Variants in KIRREL3 observed in about 807,000 individuals in gnomAD.
The protein encoded by KIRREL3 is kin of IRRE-like protein 3.
In KIRREL3, 36 loss-of-function variants were observed where a neutral mutation model predicts 89.7. That is an observed-to-expected ratio of 0.40 (90% CI 0.31 to 0.53). The LOEUF (loss-of-function observed/expected upper bound fraction) is 0.53, where lower values mean the gene tolerates loss of function less well. Among genes scored for constraint, KIRREL3 ranks in the 20% least tolerant of loss-of-function variants. The probability of loss-of-function intolerance (pLI) is 0.49; values close to 1 mark genes in which losing one functional copy is unlikely to be tolerated. For missense variants in KIRREL3, 864 were observed against 1,056.6 expected (o/e 0.82, Z 2.53); for synonymous variants, 445 against 441.4 (o/e 1.01, Z -0.10).
Position 126,867,422 on chromosome 11 carries a change from C to G in KIRREL3, c.55+133033G>C, listed in dbSNP as rs1483206808. Among the ~76,000 whole-genome samples the G allele has an allele frequency of 1.3e-5, 2 of 152,184 alleles. No individual in the cohort carries two copies. Among genetic ancestry groups the G allele is most frequent in the African/African-American group, 4.8e-5 (2 of 41,438 alleles). ...TCCAGCTTGGAATGCTGTTTCTCCT[C>G]TCTCCCACTTCCAAAACTCTTTCAA... is the stretch of plus-strand genomic sequence containing the variant. On this transcript the variant is annotated intron_variant, in intron 1 of 16. Coordinates refer to ENST00000525144, the MANE Select transcript of KIRREL3 (RefSeq NM_032531.4). The surrounding 1 kb of genome is among the most constrained non-coding windows in gnomAD (Gnocchi z 4.7).
chr11:126,833,536 C>T (rs1309172536), intron 1 of KIRREL3, among the ~76,000 whole-genome samples: 1 of 152,224 alleles, frequency 6.6e-6, no homozygotes, highest in Non-Finnish European at 1.5e-5. Context: ...CAGCAGCCCT[C>T]CCTTTGGAGA....
At chr11:126,692,540 G>A (rs1159845807) in intron 1 of KIRREL3, among the ~76,000 whole-genome samples, 3 of 52,292 alleles carry the variant, frequency 5.7e-5, no homozygotes, top group African/African-American at 8.2e-5. Flanking sequence ...CCAAGACTCT[G>A]TCTCAAAAAA....
rs1942829147 is a variant in KIRREL3 at position 126,605,018 on chromosome 11, T to G, written c.56-42106A>C. ...ATTGCAAAGTGGCAGATGAGATTAT[T>G]ATTACTGCTTCCTTCACCTCAACAA... is the stretch of plus-strand genomic sequence containing the variant. On this transcript the variant is annotated intron_variant, in intron 1 of 16. Coordinates refer to ENST00000525144, the MANE Select transcript of KIRREL3 (RefSeq NM_032531.4). The surrounding 1 kb of genome is among the most constrained non-coding windows in gnomAD (Gnocchi z 5.7). 6.6e-6 allele frequency among the ~76,000 whole-genome samples: 1 copy of G among 152,214 alleles called. No homozygotes were observed. Among genetic ancestry groups the G allele is most frequent in the Non-Finnish European group, 1.5e-5 (1 of 68,036 alleles).
Position 126,424,951 on chromosome 11 carries a change from T to A in KIRREL3, c.1966A>T (p.Ser656Cys), listed in dbSNP as rs760433137. 6.3e-7 allele frequency: 1 copy of A among 1,594,394 alleles called. No homozygotes were observed. The change falls in exon 17 of 17, where the codon AGC becomes TGC. Residue 656 changes from serine (S) to cysteine (C), a missense_variant. By Grantham distance (112) the Ser-to-Cys change is moderately radical. Transcript: ENST00000525144. ...HHSTPTISLS[S>C]CQPDLRPAGK... ...GCAGGACGCAGGTCGGGCTGGCAGC[T>A]GGAGAGGGAGATGGTCGGGGTTGAG...
In KIRREL3 at chr11:126,455,903, C is replaced by T. The variant is rs1180501331; in HGVS notation, c.848+446G>A. The stretch of plus-strand genomic sequence containing the variant: ...CACAGGGGCCATGAGTAAGTGTGAT[C>T]CCGGATGCTCACTGGACTGGGCCGG... On this transcript the variant is annotated intron_variant, in intron 7 of 16. Transcript: ENST00000525144. The surrounding 1 kb of genome is among the most constrained non-coding windows in gnomAD (Gnocchi z 6.4). Among the ~76,000 whole-genome samples, 2 of 152,026 alleles carry T rather than the reference C, an allele frequency of 1.3e-5. No homozygotes were observed. Among genetic ancestry groups the T allele is most frequent in the African/African-American group, 4.8e-5 (2 of 41,414 alleles).
intron 1 of KIRREL3, among the ~76,000 whole-genome samples, chr11:126,868,656 C>T (rs1040938352): frequency 2.0e-5 from 3 of 152,060 alleles, no homozygotes; most frequent in Non-Finnish European, 2.9e-5. Context: ...ATGTAGGGGC[C>T]GATCATTATT....
intron 4 of KIRREL3, among the ~76,000 whole-genome samples, chr11:126,509,547 G>C (rs909995161): frequency 2.0e-5 from 3 of 152,208 alleles, no homozygotes; most frequent in Non-Finnish European, 4.4e-5. Context: ...GCCATTCTGT[G>C]TGTGTTCATA....
Position 126,814,780 on chromosome 11 carries a change from G to T in KIRREL3, c.55+185675C>A, listed in dbSNP as rs1006620590. Among the ~76,000 whole-genome samples the T allele has an allele frequency of 6.6e-6, 1 of 152,152 alleles. No individual in the cohort carries two copies. Among genetic ancestry groups the T allele is most frequent in the African/African-American group, 2.4e-5 (1 of 41,430 alleles). ...CTGGGACCTGATGGGGGTGTGGGTT[G>T]GGGGAGGGAGAGCACTAGGAAGAAT... On this transcript the variant is annotated intron_variant, in intron 1 of 16. Coordinates refer to ENST00000525144, the MANE Select transcript of KIRREL3 (RefSeq NM_032531.4). This position sits in a 1 kb window ranked among gnomAD's most constrained non-coding sequence, Gnocchi z 4.4.
At position 126,791,015 on chromosome 11, in the gene KIRREL3, C is replaced by T. The variant is rs532563676; in HGVS notation, c.55+209440G>A. Reference sequence around the variant, plus strand: ...AAACTGGGTGGTGTGGAGGATTTGTCGATGAGAATGCAAATGAGCATGATG... The same window carrying T: ...AAACTGGGTGGTGTGGAGGATTTGTTGATGAGAATGCAAATGAGCATGATG... On this transcript the variant is annotated intron_variant, in intron 1 of 16. Transcript: ENST00000525144. This position sits in a 1 kb window ranked among gnomAD's most constrained non-coding sequence, Gnocchi z 4.8. Among the ~76,000 whole-genome samples the T allele has an allele frequency of 2.5e-3, 379 of 152,122 alleles. 5 individuals carry two copies. The highest frequency in any genetic ancestry group is 8.3e-3 in the African/African-American group (345 of 41,496).
At chr11:126,861,009 C>G (rs928242261) in intron 1 of KIRREL3, among the ~76,000 whole-genome samples, 1 of 152,176 alleles carries the variant, frequency 6.6e-6, no homozygotes, top group Non-Finnish European at 1.5e-5. Context: ...TAGCCTTTCT[C>G]TCTGGGTTCT....
chr11:126,804,675 C>T (rs1001692005), intron 1 of KIRREL3, among the ~76,000 whole-genome samples: 1 of 152,128 alleles, frequency 6.6e-6, no homozygotes, highest in East Asian at 1.9e-4. Context: ...TGAAATATAC[C>T]TCCCTGCTTT....
intron 1 of KIRREL3, among the ~76,000 whole-genome samples, chr11:126,915,564 A>G (rs1032617918): frequency 2.6e-5 from 4 of 152,108 alleles, no homozygotes; most frequent in Admixed American, 1.3e-4. Flanking sequence ...TCTCTGTAGA[A>G]TCCAGTTTTG....
In KIRREL3 at chr11:126,530,625, T is replaced by G. The variant is rs1160690946; in HGVS notation, c.134-3938A>C. On this transcript the variant is annotated intron_variant, in intron 2 of 16. Transcript: ENST00000525144. This position sits in a 1 kb window ranked among gnomAD's most constrained non-coding sequence, Gnocchi z 5.8. ...TCCAGGAGCTCGCAGCTGTGCCCCC[T>G]CCCCATCACACCTGGGCGTCTCAGA... Among the ~76,000 whole-genome samples the G allele has an allele frequency of 6.6e-6, 1 of 151,904 alleles. No homozygotes were observed. The highest frequency in any genetic ancestry group is 2.4e-5 in the African/African-American group (1 of 41,324).
chr11:126,517,131 AG>A (rs1958435754), intron 4 of KIRREL3, among the ~76,000 whole-genome samples: 2 of 119,750 alleles, frequency 1.7e-5, no homozygotes, highest in African/African-American at 3.4e-5. Context: ...AGAGAGAGAG[AG>A]AGAAAGAGAG....
At chr11:126,878,718 C>T (rs1592269578) in intron 1 of KIRREL3, among the ~76,000 whole-genome samples, 1 of 151,970 alleles carries the variant, frequency 6.6e-6, no homozygotes, top group East Asian at 1.9e-4. Flanking sequence ...AAGCTCTGGC[C>T]ACCTCTGGGA....
intron 5 of KIRREL3, among the ~76,000 whole-genome samples, chr11:126,465,904 G>C (rs1956707453): frequency 6.6e-6 from 1 of 152,236 alleles, no homozygotes; most frequent in South Asian, 2.1e-4. Context: ...TTTCCTGGAT[G>C]AAACTAAGAC....
intron 1 of KIRREL3, among the ~76,000 whole-genome samples, chr11:126,884,334 C>T (rs1263306619): frequency 3.3e-5 from 5 of 152,156 alleles, no homozygotes; most frequent in Admixed American, 2.6e-4. Context: ...ATCGATGGGC[C>T]TCCCTAAGCC....
Position 126,890,097 on chromosome 11 carries a change from G to C in KIRREL3, c.55+110358C>G, listed in dbSNP as rs1237592306. Among the ~76,000 whole-genome samples, 1 of 152,182 alleles carries C rather than the reference G, an allele frequency of 6.6e-6. No individual in the cohort carries two copies. Among genetic ancestry groups the C allele is most frequent in the African/African-American group, 2.4e-5 (1 of 41,432 alleles). The stretch of plus-strand genomic sequence containing the variant: ...GGATCTTGTGTCCTTTCATTCTAGG[G>C]GGATGGGTCAGTGCAATCTCTGTAG... On this transcript the variant is annotated intron_variant, in intron 1 of 16. Coordinates refer to ENST00000525144, the MANE Select transcript of KIRREL3 (RefSeq NM_032531.4). This position sits in a 1 kb window ranked among gnomAD's most constrained non-coding sequence, Gnocchi z 5.1.
upstream of KIRREL3, among the ~76,000 whole-genome samples, chr11:127,001,469 C>G (rs965713154): frequency 6.6e-6 from 1 of 152,108 alleles, no homozygotes; most frequent in Non-Finnish European, 1.5e-5. Flanking sequence ...CATTTCCTAA[C>G]GAGGACAGGG....
Sources: gnomAD v4.1 joint callset for allele counts (sites outside exome capture counted in the v4.1 genomes callset) on GRCh38, gnomAD v4.1.1 for gene constraint, Gnocchi (gnomAD v3.1) non-coding constraint, MANE v1.5 for transcripts, NCBI Gene and HGNC (gene_info 2026-07-23, HGNC 2026-07-21) for gene names.